Variants in PRIM2 observed in about 807,000 individuals in gnomAD.
PRIM2 encodes DNA primase subunit 2, also known as DNA primase large subunit.
A neutral mutation model predicts 67.3 loss-of-function variants in PRIM2; 39 were observed. The observed-to-expected ratio is 0.58, with a 90% CI of 0.45 to 0.76. The LOEUF (loss-of-function observed/expected upper bound fraction) is 0.76, where lower values mean the gene tolerates loss of function less well. PRIM2 is among the 30% of genes least tolerant of loss of function. The probability of loss-of-function intolerance (pLI) is 0.00; values close to 1 mark genes in which losing one functional copy is unlikely to be tolerated. For missense variants in PRIM2, 398 were observed against 598.7 expected (o/e 0.66, Z 3.50); for synonymous variants, 143 against 198.7 (o/e 0.72, Z 2.36).
intron 12 of PRIM2, among the ~76,000 whole-genome samples, chr6:57,609,318 G>A (rs1227351484): frequency 1.3e-5 from 2 of 152,168 alleles, no homozygotes; most frequent in African/African-American, 4.8e-5. Flanking sequence ...CTAAGACACA[G>A]CAAAGGGAAG....
At chr6:57,288,056 G>T in the PRIM2 span, among the ~76,000 whole-genome samples, 148 of 152,276 alleles carry the variant, frequency 9.7e-4, no homozygotes, top group African/African-American at 3.3e-3. Flanking sequence ...TGGAGAATTG[G>T]TACACTCCTG....
At chr6:57,487,318 C>T (rs2127408042) in intron 7 of PRIM2, among the ~76,000 whole-genome samples, 1 of 152,338 alleles carries the variant, frequency 6.6e-6, no homozygotes, top group East Asian at 1.9e-4. Context: ...CAACCCGGGC[C>T]TCCCAGGTTC....
chr6:57,525,763 C>T (rs1200633031), intron 8 of PRIM2, among the ~76,000 whole-genome samples: 7 of 152,184 alleles, frequency 4.6e-5, no homozygotes, highest in African/African-American at 1.7e-4. Flanking sequence ...CTCCTCTCTG[C>T]GGGCTTGAGG....
intron 10 of PRIM2, among the ~76,000 whole-genome samples, chr6:57,589,478 T>C (rs1402927713): frequency 6.6e-6 from 1 of 151,972 alleles, no homozygotes; most frequent in Admixed American, 6.5e-5. Context: ...GAGGGGAATA[T>C]GGAGGTGCTG....
the PRIM2 span, among the ~76,000 whole-genome samples, chr6:57,244,976 T>C: frequency 1.3e-5 from 2 of 152,188 alleles, no homozygotes; most frequent in South Asian, 2.1e-4. Flanking sequence ...GTCAGTGAGT[T>C]AGTTGATATG....
At chr6:57,430,685 T>C (rs1771796853) in intron 7 of PRIM2, among the ~76,000 whole-genome samples, 1 of 152,094 alleles carries the variant, frequency 6.6e-6, no homozygotes, top group Non-Finnish European at 1.5e-5. Flanking sequence ...GGTCTCGAAC[T>C]CCTGACCTCA....
chr6:57,618,148 C>T (rs1352509585), intron 12 of PRIM2, among the ~76,000 whole-genome samples: 45 of 152,232 alleles, frequency 3.0e-4, no homozygotes, highest in African/African-American at 1.0e-3. Context: ...GTACCTTGTA[C>T]TGAGCTTTGA....
At chr6:57,425,052 T>A (rs1298910479) in intron 7 of PRIM2, among the ~76,000 whole-genome samples, 2 of 152,208 alleles carry the variant, frequency 1.3e-5, no homozygotes, top group East Asian at 3.8e-4. Context: ...GTTAAATAGA[T>A]AACTGTGAAA....
At chr6:57,376,103 C>T (rs1286846687) in intron 5 of PRIM2, among the ~76,000 whole-genome samples, 13 of 152,212 alleles carry the variant, frequency 8.5e-5, no homozygotes, top group Non-Finnish European at 1.8e-4. Flanking sequence ...GTGGTTTGTG[C>T]CTGTAGTCCC....
chr6:57,280,746 A>AT, the PRIM2 span, among the ~76,000 whole-genome samples: 50 of 152,254 alleles, frequency 3.3e-4, no homozygotes, highest in African/African-American at 1.1e-3. Flanking sequence ...TGACCTCATG[A>AT]TCTGCCTGCC....
intron 5 of PRIM2, among the ~76,000 whole-genome samples, chr6:57,351,139 G>A (rs978761501): frequency 1.3e-5 from 2 of 151,682 alleles, no homozygotes; most frequent in African/African-American, 4.9e-5. Flanking sequence ...TATAGGCTGA[G>A]TATCCCTTAT....
intron 10 of PRIM2, among the ~76,000 whole-genome samples, chr6:57,557,624 G>A: frequency 6.6e-6 from 1 of 151,690 alleles, no homozygotes; most frequent in East Asian, 2.0e-4. Flanking sequence ...CTTGAGGGTG[G>A]AGGGTGGGAG....
chr6:57,508,469 C>G (rs1258650152), intron 8 of PRIM2, among the ~76,000 whole-genome samples: 14 of 151,884 alleles, frequency 9.2e-5, no homozygotes, highest in Non-Finnish European at 1.9e-4. Flanking sequence ...TTTTTTATTC[C>G]TTCTATAAAA....
chr6:57,396,222 CT>C (rs1475549415), intron 7 of PRIM2, among the ~76,000 whole-genome samples: 1 of 152,114 alleles, frequency 6.6e-6, no homozygotes, highest in Admixed American at 6.5e-5. Flanking sequence ...GACTTTCTGT[CT>C]TGATGACCTG....
chr6:57,393,641 G>A (rs1581858834), intron 7 of PRIM2, among the ~76,000 whole-genome samples: 1 of 152,044 alleles, frequency 6.6e-6, no homozygotes, highest in African/African-American at 2.4e-5. Flanking sequence ...TGTTCCTTTT[G>A]CCATGTGAAA....
chr6:57,520,597 T>C (rs1228086445), intron 8 of PRIM2, among the ~76,000 whole-genome samples: 1 of 152,172 alleles, frequency 6.6e-6, no homozygotes, highest in East Asian at 1.9e-4. Flanking sequence ...AAGCTGTAGT[T>C]TGAATATATG....
intron 8 of PRIM2, among the ~76,000 whole-genome samples, chr6:57,522,443 A>G (rs1774644837): frequency 1.3e-5 from 2 of 152,200 alleles, no homozygotes; most frequent in African/African-American, 4.8e-5. Context: ...ATATAATTAT[A>G]TATAATTTTA....
chr6:57,575,289 T>C (rs1464318727), intron 10 of PRIM2, among the ~76,000 whole-genome samples: 1 of 152,238 alleles, frequency 6.6e-6, no homozygotes, highest in Admixed American at 6.5e-5. Context: ...GTAATTTCTA[T>C]CACACTAAAT....
intron 7 of PRIM2, among the ~76,000 whole-genome samples, chr6:57,469,891 C>T (rs1773295417): frequency 6.6e-6 from 1 of 152,200 alleles, no homozygotes; most frequent in Non-Finnish European, 1.5e-5. Context: ...TAAACTTCTG[C>T]TGCCCACATT....
Sources: gnomAD v4.1 joint callset for allele counts (sites outside exome capture counted in the v4.1 genomes callset) on GRCh38, gnomAD v4.1.1 for gene constraint, MANE v1.5 for transcripts, NCBI Gene and HGNC (gene_info 2026-07-23, HGNC 2026-07-21) for gene names.